CSMD1: variants seen among roughly 807,000 people sequenced by gnomAD.
The protein encoded by CSMD1 is CUB and sushi domain-containing protein 1.
In CSMD1, 213 loss-of-function variants were observed where a neutral mutation model predicts 417.5. The observed-to-expected ratio is 0.51, with a 90% CI of 0.46 to 0.57. The LOEUF is 0.57. Ranked by LOEUF, CSMD1 falls within the 20% of genes least tolerant of loss-of-function variation. The pLI is 0.00. For synonymous variants in CSMD1, 2,862 were observed against 1,736.8 expected, an observed-to-expected ratio of 1.65 and a Z score of -16.11; for missense variants, 6,923 against 4,529.7, an observed-to-expected ratio of 1.53 and a Z score of -15.17.
chr8:4,416,831 T>C (rs1796968472), intron 3 of CSMD1, among the ~76,000 whole-genome samples: 1 of 152,186 alleles, frequency 6.6e-6, no homozygotes. Context: ...TTTTTAATAC[T>C]TGAGATTTTG....
At chr8:4,140,942 A>G (rs1028431316) in intron 3 of CSMD1, among the ~76,000 whole-genome samples, 1 of 151,260 alleles carries the variant, frequency 6.6e-6, no homozygotes, top group Non-Finnish European at 1.5e-5. Context: ...AACACCAACA[A>G]CAAAAAGTCC....
chr8:4,172,489 A>T (rs950849558), intron 3 of CSMD1, among the ~76,000 whole-genome samples: 2 of 144,150 alleles, frequency 1.4e-5, no homozygotes, highest in Non-Finnish European at 3.1e-5. Flanking sequence ...CATGACAATT[A>T]AAAAAAAAAA....
intron 33 of CSMD1, 135 bp from the exon 34 acceptor site, chr8:3,190,250 TATA>T: frequency 1.6e-6 from 1 of 606,516 alleles, no homozygotes; most frequent in Non-Finnish European, 2.8e-6. Flanking sequence ...CAACAATCGC[TATA>T]GAGAATGATT....
In CSMD1 at chr8:2,951,536, A is replaced by G. The variant is rs1005302680; in HGVS notation, c.10040-261T>C. 2.0e-5 allele frequency among the ~76,000 whole-genome samples: 3 copies of G among 152,122 alleles called. No homozygotes were observed. In the South Asian group the frequency reaches 6.2e-4, roughly 32 times the overall value. On this transcript the variant is annotated intron_variant, in intron 65 of 69. Coordinates refer to ENST00000635120, the MANE Select transcript of CSMD1 (RefSeq NM_033225.6). Reference sequence around the variant, plus strand: ...TATTATTAGAAGCCAAAGCATACCTACTTTAACAGCCCTTCCAAGCTCATG... The same window carrying G: ...TATTATTAGAAGCCAAAGCATACCTGCTTTAACAGCCCTTCCAAGCTCATG...
intron 10 of CSMD1, among the ~76,000 whole-genome samples, chr8:3,511,733 G>A (rs756236416): frequency 2.6e-4 from 37 of 143,686 alleles, no homozygotes; most frequent in Non-Finnish European, 4.6e-4. Context: ...TCCAGCAGGG[G>A]TGACAGAGTG....
chr8:3,597,977 A>G (rs1016368398), intron 8 of CSMD1, among the ~76,000 whole-genome samples: 5 of 152,230 alleles, frequency 3.3e-5, no homozygotes, highest in Admixed American at 1.3e-4. Flanking sequence ...CCAGAACTTA[A>G]GGTATATTAA....
chr8:3,235,992 A>G (rs1799132245), intron 26 of CSMD1, among the ~76,000 whole-genome samples: 1 of 139,402 alleles, frequency 7.2e-6, no homozygotes. Context: ...ATCTCGGCTC[A>G]CTGCAAGCTC....
At chr8:3,732,268 G>A (rs1796313387) in intron 6 of CSMD1, among the ~76,000 whole-genome samples, 1 of 152,178 alleles carries the variant, frequency 6.6e-6, no homozygotes, top group Non-Finnish European at 1.5e-5. Context: ...ATACAAAGCT[G>A]CCCTCTTTAG....
At chr8:4,426,089 A>G (rs928669189) in intron 2 of CSMD1, among the ~76,000 whole-genome samples, 13 of 122,318 alleles carry the variant, frequency 1.1e-4, no homozygotes, top group African/African-American at 4.2e-4. Flanking sequence ...AATTATTTTG[A>G]AAAAAAAAAA....
chr8:3,634,800 C>T (rs1414485343), intron 7 of CSMD1, among the ~76,000 whole-genome samples: 1 of 152,128 alleles, frequency 6.6e-6, no homozygotes, highest in Non-Finnish European at 1.5e-5. Flanking sequence ...ATCATGTGTC[C>T]TGAGAAATGC....
At chr8:4,472,458 A>C (rs1262114054) in intron 2 of CSMD1, among the ~76,000 whole-genome samples, 2 of 152,150 alleles carry the variant, frequency 1.3e-5, no homozygotes, top group Non-Finnish European at 2.9e-5. Flanking sequence ...TAAGGTAATA[A>C]CAGATGAATA....
intron 26 of CSMD1, chr8:3,278,979 A>G (rs1364457948): frequency 6.6e-6 from 1 of 152,216 alleles, no homozygotes; most frequent in African/African-American, 2.4e-5. Context: ...TTCTAAAACT[A>G]GAAAACCAGG....
intron 10 of CSMD1, among the ~76,000 whole-genome samples, chr8:3,522,226 A>G (rs1797538876): frequency 6.6e-6 from 1 of 152,238 alleles, no homozygotes; most frequent in Non-Finnish European, 1.5e-5. Flanking sequence ...ATCTTACATA[A>G]AATATTGCAT....
At chr8:3,981,387 G>T (rs905879401) in intron 5 of CSMD1, among the ~76,000 whole-genome samples, 4 of 151,336 alleles carry the variant, frequency 2.6e-5, no homozygotes, top group Non-Finnish European at 5.9e-5. Context: ...AACAAATATG[G>T]TGCAGTGTAT....
intron 1 of CSMD1, among the ~76,000 whole-genome samples, chr8:4,817,496 C>A (rs938327144): frequency 6.6e-6 from 1 of 152,222 alleles, no homozygotes; most frequent in African/African-American, 2.4e-5. Flanking sequence ...TCCAATGATC[C>A]AGTTCTTATT....
intron 5 of CSMD1, among the ~76,000 whole-genome samples, chr8:3,841,427 A>G (rs1045160943): frequency 1.3e-5 from 2 of 152,200 alleles, no homozygotes; most frequent in Admixed American, 1.3e-4. Context: ...GAAGAAAACA[A>G]CAAAACAATC....
At chr8:3,698,702 A>C (rs1800691600) in intron 7 of CSMD1, among the ~76,000 whole-genome samples, 1 of 152,220 alleles carries the variant, frequency 6.6e-6, no homozygotes, top group African/African-American at 2.4e-5. Flanking sequence ...TATTATTGTG[A>C]AGCAAAATGT....
chr8:3,719,503 G>A (rs141859621), intron 6 of CSMD1, among the ~76,000 whole-genome samples: 300 of 152,256 alleles, frequency 2.0e-3, no homozygotes, highest in African/African-American at 6.9e-3. Context: ...ATTTTCCCTG[G>A]ACCATTCATT....
At chr8:2,985,094 CAA>C (rs1330221368) in intron 54 of CSMD1, among the ~76,000 whole-genome samples, 2 of 152,148 alleles carry the variant, frequency 1.3e-5, no homozygotes, top group Non-Finnish European at 2.9e-5. Flanking sequence ...CAAAGCGACT[CAA>C]AATCAATATA....
Sources: gnomAD v4.1 joint callset for allele counts (sites outside exome capture counted in the v4.1 genomes callset) on GRCh38, gnomAD v4.1.1 for gene constraint, MANE v1.5 for transcripts, NCBI Gene and HGNC (gene_info 2026-07-23, HGNC 2026-07-21) for gene names.